Variants in NAALADL2 observed in about 807,000 individuals in gnomAD.
NAALADL2 encodes N-acetylated alpha-linked acidic dipeptidase like 2.
Under a neutral mutation model 87.2 loss-of-function variants are expected in NAALADL2, and 76 were observed. The ratio of observed to expected loss-of-function variants is 0.87; its 90% CI spans 0.72 to 1.05. NAALADL2 has a LOEUF of 1.05. Ranked by LOEUF, NAALADL2 falls within the 50% of genes least tolerant of loss-of-function variation. The probability of loss-of-function intolerance (pLI) is 0.00; values close to 1 mark genes in which losing one functional copy is unlikely to be tolerated. For missense variants in NAALADL2, 1,089 were observed against 945.8 expected, an observed-to-expected ratio of 1.15 and a Z score of -1.99; for synonymous variants, 354 against 331.0, an observed-to-expected ratio of 1.07 and a Z score of -0.75.
chr3:175,192,366 A>G (rs1337733552), intron 2 of NAALADL2, among the ~76,000 whole-genome samples: 1 of 152,098 alleles, frequency 6.6e-6, no homozygotes, highest in Non-Finnish European at 1.5e-5. Context: ...TTAAAATAAA[A>G]TTCTTATGCT....
At chr3:174,512,529 T>C (rs895839760) in intron 1 of NAALADL2, among the ~76,000 whole-genome samples, 4 of 152,214 alleles carry the variant, frequency 2.6e-5, no homozygotes, top group Non-Finnish European at 5.9e-5. Context: ...CTTAAGTGAT[T>C]TCTACTCACA....
chr3:175,619,205 CA>C (rs1246410470), intron 10 of NAALADL2, among the ~76,000 whole-genome samples: 1 of 104,800 alleles, frequency 9.5e-6, no homozygotes, highest in South Asian at 3.0e-4. Flanking sequence ...TCTCCTCAGA[CA>C]AAAAAAAAGA....
chr3:175,478,059 T>G (rs964579631), intron 9 of NAALADL2, among the ~76,000 whole-genome samples: 4 of 152,074 alleles, frequency 2.6e-5, no homozygotes, highest in African/African-American at 9.6e-5. Context: ...GTACAACTGA[T>G]GTGGAAACAT....
chr3:175,794,414 G>C (rs1159090772), intron 13 of NAALADL2, among the ~76,000 whole-genome samples: 1 of 151,946 alleles, frequency 6.6e-6, no homozygotes, highest in East Asian at 1.9e-4. Flanking sequence ...CTGTATCACT[G>C]TCTTCTCCAA....
chr3:174,575,555 A>T (rs1179802631), intron 2 of NAALADL2, among the ~76,000 whole-genome samples: 2 of 152,196 alleles, frequency 1.3e-5, no homozygotes, highest in Non-Finnish European at 2.9e-5. Context: ...TTGTCAAGAG[A>T]TATGTAAATT....
chr3:175,233,918 A>G lies in NAALADL2; in HGVS notation c.546-13A>G. 2 of 1,512,892 alleles carry G rather than the reference A, an allele frequency of 1.3e-6. No individual in the cohort carries two copies. The highest frequency in any genetic ancestry group is 4.5e-5 in the East Asian group (2 of 44,030). The allele number at this position is 1,512,892 out of a possible 1,614,324, so 93.7% of individuals were successfully genotyped here. On this transcript the variant is annotated splice_polypyrimidine_tract_variant and intron_variant, in intron 2 of 13. Coordinates refer to ENST00000454872, the MANE Select transcript of NAALADL2 (RefSeq NM_207015.3). Reference sequence around the variant, plus strand: ...TCCTTTTTAAAAAAGTTTTCTTTTCAAATTTATTTCAGAAATTTGGTACAA... The same window carrying G: ...TCCTTTTTAAAAAAGTTTTCTTTTCGAATTTATTTCAGAAATTTGGTACAA...
rs1000687365 is a variant in NAALADL2, at chr3:175,393,955, C to T, written c.1091-53274C>T. Reference sequence around the variant, plus strand: ...CATGATCTTGACACCTTTTTAAGTACACAAGCTATTTTTTTCTGTAGAATT... The same window carrying T: ...CATGATCTTGACACCTTTTTAAGTATACAAGCTATTTTTTTCTGTAGAATT... On this transcript the variant is annotated intron_variant, in intron 5 of 13. Transcript: ENST00000454872. Among the ~76,000 whole-genome samples, 7 of 152,070 alleles carry T rather than the reference C, an allele frequency of 4.6e-5. No homozygotes were observed. The South Asian group carries it at 8.3e-4, about 18-fold the overall frequency.
chr3:175,219,347 G>T (rs2109336007), intron 2 of NAALADL2, among the ~76,000 whole-genome samples: 1 of 151,786 alleles, frequency 6.6e-6, no homozygotes, highest in Non-Finnish European at 1.5e-5. Flanking sequence ...CTATTTTCTG[G>T]GAGACCACCT....
At chr3:175,682,596 TGTA>T (rs141144951) in intron 11 of NAALADL2, among the ~76,000 whole-genome samples, 4,380 of 151,980 alleles carry the variant, frequency 0.029, 209 homozygotes, top group African/African-American at 0.1. Context: ...ATGGCAGAAA[TGTA>T]GTGTTTGAAA....
intron 2 of NAALADL2, among the ~76,000 whole-genome samples, chr3:174,614,416 T>G: frequency 6.6e-6 from 1 of 152,204 alleles, no homozygotes; most frequent in African/African-American, 2.4e-5. Flanking sequence ...GTTCAAATGC[T>G]TCTTCCATGG....
chr3:175,236,316 C>T (rs557008756), intron 3 of NAALADL2, among the ~76,000 whole-genome samples: 4 of 152,004 alleles, frequency 2.6e-5, no homozygotes, highest in Admixed American at 1.3e-4. Context: ...GAGGCCGAGG[C>T]GGGTGGATCA....
intron 5 of NAALADL2, among the ~76,000 whole-genome samples, chr3:175,367,575 G>A (rs371362372): frequency 2.0e-5 from 3 of 152,136 alleles, no homozygotes; most frequent in East Asian, 1.9e-4. Context: ...GGTCCTCCAC[G>A]TCCCTTGTAA....
At chr3:174,732,307 A>G (rs919644636) in intron 2 of NAALADL2, among the ~76,000 whole-genome samples, 1 of 152,190 alleles carries the variant, frequency 6.6e-6, no homozygotes, top group Non-Finnish European at 1.5e-5. Context: ...ATTTTATGAA[A>G]TAAGCGAATC....
intron 6 of NAALADL2, chr3:175,460,305 G>A (rs571207751): frequency 7.2e-6 from 3 of 417,718 alleles, no homozygotes; most frequent in African/African-American, 4.1e-5. Flanking sequence ...TGTGAGTATG[G>A]AATAATATAA....
At chr3:174,969,304 G>C (rs968415139) in intron 1 of NAALADL2, among the ~76,000 whole-genome samples, 1 of 152,064 alleles carries the variant, frequency 6.6e-6, no homozygotes, top group Non-Finnish European at 1.5e-5. Context: ...GTACTTTCCT[G>C]TTATACAGAT....
In NAALADL2 at chr3:174,596,551, A is replaced by G. The variant is rs748661924; in HGVS notation, c.-115+45914A>G. 5.0e-4 allele frequency among the ~76,000 whole-genome samples: 76 copies of G among 152,320 alleles called. 1 individual carries two copies. Among genetic ancestry groups the G allele is most frequent in the Admixed American group, 1.6e-3 (25 of 15,304 alleles). On this transcript the variant is annotated intron_variant, in intron 2 of 3. Coordinates refer to the NAALADL2 transcript ENST00000434257. Reference sequence around the variant, plus strand: ...TTCTGTAGGTCTTGGGTAGAGAATGAAAATTTACTTTTCTAACAAGTTTCC... The same window carrying G: ...TTCTGTAGGTCTTGGGTAGAGAATGGAAATTTACTTTTCTAACAAGTTTCC...
At chr3:175,539,605 C>T (rs1711935819) in intron 9 of NAALADL2, among the ~76,000 whole-genome samples, 2 of 70,066 alleles carry the variant, frequency 2.9e-5, no homozygotes, top group South Asian at 1.3e-3. Flanking sequence ...AGGTACTAAG[C>T]ATAGTACCAC....
At chr3:174,553,183 T>A (rs1712353459) in intron 2 of NAALADL2, among the ~76,000 whole-genome samples, 1 of 152,210 alleles carries the variant, frequency 6.6e-6, no homozygotes, top group Non-Finnish European at 1.5e-5. Context: ...GACAAATTCC[T>A]TGCTTTTATA....
At chr3:175,516,492 AAT>A (rs1731852682) in intron 9 of NAALADL2, among the ~76,000 whole-genome samples, 2 of 152,178 alleles carry the variant, frequency 1.3e-5, no homozygotes, top group Admixed American at 1.3e-4. Flanking sequence ...GAGATTTTCT[AAT>A]TTAAAGGTCG....
Sources: gnomAD v4.1 joint callset for allele counts (sites outside exome capture counted in the v4.1 genomes callset) on GRCh38, gnomAD v4.1.1 for gene constraint, MANE v1.5 for transcripts, NCBI Gene and HGNC (gene_info 2026-07-23, HGNC 2026-07-21) for gene names.